The following ABTB3 variants were observed in gnomAD, a reference collection of about 807,000 sequenced individuals.
ABTB3 encodes ankyrin repeat- and BTB/POZ domain-containing protein 3.
chr12:107,620,008 G>A, the ABTB3 span: 304 of 1,613,596 alleles, frequency 1.9e-4, 1 homozygote, highest in African/African-American at 3.4e-3. Flanking sequence ...CTCTGCACAC[G>A]TGGCTGGAGT....
At chr12:107,348,470 C>T in the ABTB3 span, among the ~76,000 whole-genome samples, 1 of 152,182 alleles carries the variant, frequency 6.6e-6, no homozygotes, top group African/African-American at 2.4e-5. Flanking sequence ...TGCAGTGGCT[C>T]ATGCCTCCAA....
chr12:107,453,362 T>C, the ABTB3 span, among the ~76,000 whole-genome samples: 6 of 152,286 alleles, frequency 3.9e-5, no homozygotes, highest in South Asian at 8.3e-4. Flanking sequence ...TATTAAAAGG[T>C]GGGGCCTTTG....
At chr12:107,531,889 G>T in the ABTB3 span, among the ~76,000 whole-genome samples, 1 of 152,140 alleles carries the variant, frequency 6.6e-6, no homozygotes, top group South Asian at 2.1e-4. Context: ...GAAGTCTGCA[G>T]CATTGCAACA....
the ABTB3 span, among the ~76,000 whole-genome samples, chr12:107,398,387 A>T: frequency 6.6e-6 from 1 of 152,258 alleles, no homozygotes; most frequent in Non-Finnish European, 1.5e-5. Context: ...GACACACAAC[A>T]GTGCAAGTTT....
the ABTB3 span, among the ~76,000 whole-genome samples, chr12:107,482,872 TTTC>T: frequency 1.1e-3 from 171 of 151,236 alleles, no homozygotes; most frequent in African/African-American, 3.9e-3. Context: ...TCTCTCTTTC[TTTC>T]TTCTTTTCTT....
the ABTB3 span, among the ~76,000 whole-genome samples, chr12:107,361,065 C>T: frequency 3.4e-5 from 5 of 147,650 alleles, no homozygotes; most frequent in Admixed American, 2.1e-4. Context: ...CCTGGGATTA[C>T]AGGTGTGAGC....
chr12:107,401,914 G>GTTTTT, the ABTB3 span, among the ~76,000 whole-genome samples: 10 of 130,898 alleles, frequency 7.6e-5, no homozygotes, highest in Admixed American at 1.6e-4. Context: ...ACCGCTTAGG[G>GTTTTT]TTTTTTTTTT....
At chr12:107,353,713 A>G in the ABTB3 span, among the ~76,000 whole-genome samples, 3 of 152,100 alleles carry the variant, frequency 2.0e-5, no homozygotes, top group African/African-American at 7.2e-5. Context: ...TGTACAAGTG[A>G]GCATTACCGC....
the ABTB3 span, chr12:107,320,531 C>T: frequency 8.2e-6 from 3 of 365,984 alleles, no homozygotes; most frequent in Non-Finnish European, 1.5e-5. Flanking sequence ...AGTGCTCCCA[C>T]TTCCCCACTC....
chr12:107,657,630 G>T, the ABTB3 span: 1 of 1,614,100 alleles, frequency 6.2e-7, no homozygotes, highest in Middle Eastern at 1.6e-4. Context: ...GAAGGGACCG[G>T]CCAGGATGTG....
At chr12:107,646,864 C>T in the ABTB3 span, among the ~76,000 whole-genome samples, 14 of 152,038 alleles carry the variant, frequency 9.2e-5, no homozygotes, top group Admixed American at 7.9e-4. Context: ...TCTGAGGAGG[C>T]GCCCCACTGC....
At chr12:107,409,969 TA>T in the ABTB3 span, among the ~76,000 whole-genome samples, 5 of 152,146 alleles carry the variant, frequency 3.3e-5, no homozygotes. Flanking sequence ...AACAGAGCAT[TA>T]AATCAACCAT....
At chr12:107,399,552 C>T in the ABTB3 span, among the ~76,000 whole-genome samples, 2 of 152,108 alleles carry the variant, frequency 1.3e-5, no homozygotes, top group African/African-American at 2.4e-5. Context: ...GGCATGAGCT[C>T]ATTGACTGAA....
the ABTB3 span, among the ~76,000 whole-genome samples, chr12:107,589,249 C>A: frequency 6.6e-6 from 1 of 152,302 alleles, no homozygotes; most frequent in African/African-American, 2.4e-5. Flanking sequence ...AAAACAATAG[C>A]CTCATTGTCC....
At chr12:107,614,303 C>T in the ABTB3 span, among the ~76,000 whole-genome samples, 252 of 152,234 alleles carry the variant, frequency 1.7e-3, no homozygotes, top group African/African-American at 5.9e-3. Context: ...ATTCATGATG[C>T]GTCCTGGGAA....
At chr12:107,649,241 G>A in the ABTB3 span, 42 of 1,613,754 alleles carry the variant, frequency 2.6e-5, no homozygotes, top group Non-Finnish European at 4.2e-6. Flanking sequence ...GTGGCCCAGA[G>A]TCACTGCTCA....
chr12:107,382,768 A>G, the ABTB3 span, among the ~76,000 whole-genome samples: 9 of 151,920 alleles, frequency 5.9e-5, no homozygotes, highest in East Asian at 1.9e-4. Flanking sequence ...TGTGGGGTGG[A>G]GGGCTAGGGG....
chr12:107,516,465 C>A, the ABTB3 span, among the ~76,000 whole-genome samples: 2 of 152,138 alleles, frequency 1.3e-5, no homozygotes, highest in Non-Finnish European at 2.9e-5. Flanking sequence ...CTCCTGACCT[C>A]AGGTGATCCG....
chr12:107,469,970 T>C, the ABTB3 span, among the ~76,000 whole-genome samples: 176 of 76,592 alleles, frequency 2.3e-3, 2 homozygotes, highest in East Asian at 7.3e-3. Context: ...CTTTCTTTCT[T>C]TCTTTCTTTC....
Sources: allele counts gnomAD v4.1 joint callset (sites outside exome capture counted in the v4.1 genomes callset), GRCh38; gene constraint gnomAD v4.1.1; transcripts MANE v1.5; gene names NCBI Gene and HGNC (gene_info 2026-07-23, HGNC 2026-07-21).